The following MAP4K5 variants were observed in gnomAD, a reference collection of about 807,000 sequenced individuals.
MAP4K5 encodes the protein MAPK/ERK kinase kinase kinase 5.
In MAP4K5, 82 loss-of-function variants were observed where a neutral mutation model predicts 135.6. The observed-to-expected ratio is 0.60, with a 90% CI of 0.51 to 0.73. The LOEUF (loss-of-function observed/expected upper bound fraction) is 0.73. MAP4K5 is among the 30% of genes least tolerant of loss of function. MAP4K5 has a pLI of 0.00. For synonymous variants in MAP4K5, 347 were observed against 335.0 expected (o/e 1.04, Z -0.39); for missense variants, 907 against 1,010.9 (o/e 0.90, Z 1.39).
At chr14:50,479,072 C>T (rs1221610381) in intron 6 of MAP4K5, among the ~76,000 whole-genome samples, 18 of 151,234 alleles carry the variant, frequency 1.2e-4, no homozygotes, top group Admixed American at 1.1e-3. Context: ...GATCTGTGGG[C>T]CCATATTAAT....
At chr14:50,552,962 A>G (rs2038721166) in intron 1 of MAP4K5, among the ~76,000 whole-genome samples, 1 of 152,190 alleles carries the variant, frequency 6.6e-6, no homozygotes, top group Non-Finnish European at 1.5e-5. Context: ...CAAAGAATTC[A>G]TGACTAAGAA....
In MAP4K5 at chr14:50,439,333, TAAAA is replaced by T. The variant is rs377755870; in HGVS notation, c.1705+676_1705+679del. Among the ~76,000 whole-genome samples the T allele has an allele frequency of 7.7e-5, 7 of 90,346 alleles. No individual in the cohort carries two copies. In the East Asian group the frequency reaches 2.0e-3, roughly 26 times the overall value. The allele number at this position is 90,346 out of a possible 152,430, so 59.3% of individuals were successfully genotyped here. On this transcript the variant is annotated intron_variant, in intron 23 of 32. Transcript: ENST00000682126. ...AAATATTTTTTTCATAGGTAAGAAT[TAAAA>T]AAAAAAAAAAAAAGCCTAAAACACC...
chr14:50,462,716 G>A lies in MAP4K5; in HGVS notation c.885C>T (p.Asn295=). ...ALAVELLDKV[N]NPDNHAHYTE... ...TGTAATGTGCGTGGTTATCTGGATT[G>A]TTCACTTTGTCTAACAGTTCAACTG... Residue 295 remains asparagine (N), a synonymous_variant, in exon 13 of 33, where the codon AAC becomes AAT. Coordinates refer to ENST00000682126, the MANE Select transcript of MAP4K5 (RefSeq NM_006575.6). 1 of 1,604,782 alleles carries A rather than the reference G, an allele frequency of 6.2e-7. No individual in the cohort carries two copies. Among genetic ancestry groups the A allele is most frequent in the Non-Finnish European group, 8.5e-7 (1 of 1,177,450 alleles).
chr14:50,516,334 G>A (rs1297929287), intron 2 of MAP4K5, among the ~76,000 whole-genome samples: 1 of 152,148 alleles, frequency 6.6e-6, no homozygotes, highest in East Asian at 1.9e-4. Context: ...TACAGATGGG[G>A]GCTCAGTTTT....
rs2036258438 is a variant in MAP4K5 at position 50,442,817 on chromosome 14, C to A, written c.1480-1G>T. On this transcript the variant is annotated splice_acceptor_variant, in intron 20 of 32. Transcript: ENST00000682126. LOFTEE classifies it high-confidence loss of function. ...AAACTTTTGAAAAGCATGCTCCCAT[C>A]TTATTTATAAAGAAAGAAATGTTAA... is the stretch of plus-strand genomic sequence containing the variant. 3 of 1,536,414 alleles carry A rather than the reference C, an allele frequency of 2.0e-6. No homozygotes were observed. The highest frequency in any genetic ancestry group is 2.6e-6 in the Non-Finnish European group (3 of 1,132,158).
At chr14:50,469,893 T>A (rs74370598) in intron 9 of MAP4K5, among the ~76,000 whole-genome samples, 1 of 152,236 alleles carries the variant, frequency 6.6e-6, no homozygotes, top group Non-Finnish European at 1.5e-5. Context: ...GTTGCTTTTA[T>A]ATGTACTTAG....
intron 14 of MAP4K5, among the ~76,000 whole-genome samples, chr14:50,454,692 C>T (rs984337900): frequency 1.3e-5 from 2 of 152,002 alleles, no homozygotes; most frequent in African/African-American, 2.4e-5. Context: ...TATAAAAGAA[C>T]TAAATCTTAT....
chr14:50,423,727 C>T (rs1423891762), intron 31 of MAP4K5, among the ~76,000 whole-genome samples: 1 of 152,140 alleles, frequency 6.6e-6, no homozygotes, highest in Non-Finnish European at 1.5e-5. Context: ...TATGATTGCA[C>T]CACTGCATTC....
At chr14:50,471,355 A>G (rs2036958276) in intron 9 of MAP4K5, among the ~76,000 whole-genome samples, 1 of 152,210 alleles carries the variant, frequency 6.6e-6, no homozygotes, top group African/African-American at 2.4e-5. Context: ...GTGAGAGTAA[A>G]GAAGGAACAA....
Position 50,446,116 on chromosome 14 carries a change from G to C in MAP4K5, c.1148C>G (p.Thr383Ser). The C allele has an allele frequency of 6.4e-7, 1 of 1,570,830 alleles. No homozygotes were observed. The highest frequency in any genetic ancestry group is 2.4e-5 in the East Asian group (1 of 41,876). ...FVDGANTGKSTSKRAIPPPLP... is the reference protein window; with the variant it reads ...FVDGANTGKSSSKRAIPPPLP... Reference sequence around the variant, plus strand: ...GGGAGGTGGTATTGCACGTTTTGAGGTTGATCTAATACAAAGAAGAAATGC... The same window carrying C: ...GGGAGGTGGTATTGCACGTTTTGAGCTTGATCTAATACAAAGAAGAAATGC... Residue 383 changes from threonine to serine, a missense_variant, in exon 17 of 33, where the codon ACC (threonine) becomes AGC (serine). This residue lies in a region of MAP4K5 where 690 missense variants were observed against 777.4 expected (regional missense o/e 0.89). Transcript: ENST00000682126.
chr14:50,501,333 G>A (rs1414000813), intron 3 of MAP4K5, among the ~76,000 whole-genome samples: 1 of 151,736 alleles, frequency 6.6e-6, no homozygotes, highest in African/African-American at 2.4e-5. Context: ...ATTATTCAAG[G>A]TCTTACAAGC....
chr14:50,557,153 A>G (rs2038774531), intron 1 of MAP4K5, among the ~76,000 whole-genome samples: 1 of 152,170 alleles, frequency 6.6e-6, no homozygotes, highest in Admixed American at 6.5e-5. Flanking sequence ...AACACTTGTT[A>G]TTATCTTTTT....
intron 1 of MAP4K5, chr14:50,560,083 C>A: frequency 1.5e-6 from 1 of 669,708 alleles, no homozygotes; most frequent in Non-Finnish European, 2.6e-6. Flanking sequence ...GAGCTTGGTT[C>A]ATCTGCTTTC....
intron 3 of MAP4K5, among the ~76,000 whole-genome samples, chr14:50,491,977 A>G (rs958929957): frequency 3.3e-5 from 5 of 152,038 alleles, no homozygotes; most frequent in Non-Finnish European, 7.4e-5. Context: ...GTGAGCCACC[A>G]CACCTGGCCT....
intron 9 of MAP4K5, 130 bp from the exon 10 acceptor site, chr14:50,468,912 T>C (rs1595476775): frequency 1.4e-6 from 1 of 725,258 alleles, no homozygotes; most frequent in Non-Finnish European, 2.3e-6. Context: ...AGAAGAAACA[T>C]TACTAAGTAA....
chr14:50,520,624 T>C (rs1467608270), intron 2 of MAP4K5, among the ~76,000 whole-genome samples: 1 of 152,192 alleles, frequency 6.6e-6, no homozygotes, highest in Admixed American at 6.5e-5. Context: ...CCTGAAATCA[T>C]TCACATTTTA....
At chr14:50,528,504 G>A (rs2038316434) in intron 2 of MAP4K5, among the ~76,000 whole-genome samples, 1 of 151,578 alleles carries the variant, frequency 6.6e-6, no homozygotes, top group Admixed American at 6.6e-5. Flanking sequence ...CATCACATGG[G>A]GTCAAGAATT....
chr14:50,512,663 G>C (rs1243474432), intron 2 of MAP4K5, among the ~76,000 whole-genome samples: 1 of 152,080 alleles, frequency 6.6e-6, no homozygotes, highest in Non-Finnish European at 1.5e-5. Context: ...GCAGTACCAG[G>C]CTCTTTTATA....
In MAP4K5 at chr14:50,463,891, CAA is replaced by C. The variant is rs56877870; in HGVS notation, c.819+159_819+160del. Among the ~76,000 whole-genome samples, 202 of 70,354 alleles carry C rather than the reference CAA, an allele frequency of 2.9e-3. 10 individuals are homozygous for C. The South Asian group carries it at 0.063, about 22-fold the overall frequency. 46.2% of individuals were successfully genotyped at this position (70,354 alleles called of 152,430 possible). On this transcript the variant is annotated intron_variant, in intron 12 of 32. Transcript: ENST00000682126. ...GGGTGACAGAGTGAGACCCTGTTTC[CAA>C]AAAAAAAAAAAAAAAAAAAAAAAAA...
Sources: gnomAD v4.1 joint callset for allele counts (sites outside exome capture counted in the v4.1 genomes callset) on GRCh38, gnomAD v4.1.1 for gene constraint, gnomAD v4.1.1 regional missense constraint, MANE v1.5 for transcripts, NCBI Gene and HGNC (gene_info 2026-07-23, HGNC 2026-07-21) for gene names.